DPYD: variants seen among roughly 807,000 people sequenced by gnomAD.
DPYD encodes dihydropyrimidine dehydrogenase [NADP(+)].
In DPYD, 109 loss-of-function variants were observed where a neutral mutation model predicts 116.2. That is an observed-to-expected ratio of 0.94 (90% CI 0.80 to 1.10). The LOEUF (loss-of-function observed/expected upper bound fraction) is 1.10. DPYD is among the 50% of genes least tolerant of loss of function. DPYD has a pLI of 0.00. For synonymous variants in DPYD, 440 were observed against 432.0 expected (o/e 1.02, Z -0.23); for missense variants, 1,302 against 1,254.5 (o/e 1.04, Z -0.57).
At chr1:97,820,531 C>T (rs945781080) in intron 3 of DPYD, among the ~76,000 whole-genome samples, 3 of 152,122 alleles carry the variant, frequency 2.0e-5, no homozygotes, top group Non-Finnish European at 4.4e-5. Flanking sequence ...GTTTACATGG[C>T]TATACTTTTA....
chr1:97,772,950 T>C (rs564984207), intron 3 of DPYD, among the ~76,000 whole-genome samples: 1 of 152,246 alleles, frequency 6.6e-6, no homozygotes, highest in Non-Finnish European at 1.5e-5. Context: ...ATGGCCTCTA[T>C]GATTTTTCAT....
intron 8 of DPYD, among the ~76,000 whole-genome samples, chr1:97,673,085 T>C (rs1659957355): frequency 6.6e-6 from 1 of 152,130 alleles, no homozygotes; most frequent in Admixed American, 6.6e-5. Context: ...AATTGAAGTA[T>C]GGATATTTGC....
chr1:97,511,519 A>G (rs985211314), intron 13 of DPYD, among the ~76,000 whole-genome samples: 6 of 152,050 alleles, frequency 3.9e-5, no homozygotes, highest in Non-Finnish European at 8.8e-5. Flanking sequence ...CAACAACAAC[A>G]ACATTTTATT....
At chr1:97,549,254 T>C (rs1651135656) in intron 12 of DPYD, among the ~76,000 whole-genome samples, 1 of 151,994 alleles carries the variant, frequency 6.6e-6, no homozygotes, top group Non-Finnish European at 1.5e-5. Flanking sequence ...TTTGTAGAGA[T>C]GGGATATTCC....
intron 6 of DPYD, among the ~76,000 whole-genome samples, chr1:97,692,900 C>A (rs1336588012): frequency 6.6e-6 from 1 of 152,082 alleles, no homozygotes; most frequent in Non-Finnish European, 1.5e-5. Flanking sequence ...ATTGAAAAAT[C>A]TCCCAAAGTA....
chr1:97,775,383 T>G (rs969898898), intron 3 of DPYD, among the ~76,000 whole-genome samples: 1 of 152,180 alleles, frequency 6.6e-6, no homozygotes, highest in Non-Finnish European at 1.5e-5. Context: ...TTTCCCCCCC[T>G]GCTCTTGGTA....
intron 13 of DPYD, among the ~76,000 whole-genome samples, chr1:97,451,717 T>C (rs2101797725): frequency 6.6e-6 from 1 of 152,264 alleles, no homozygotes; most frequent in Non-Finnish European, 1.5e-5. Context: ...TACAGGTGGC[T>C]CTGTGAAGCT....
chr1:97,321,461 C>A (rs1394960437), intron 16 of DPYD, among the ~76,000 whole-genome samples: 1 of 76,708 alleles, frequency 1.3e-5, no homozygotes, highest in East Asian at 4.0e-4. Context: ...GACATTTATG[C>A]AGCCAAAAAA....
At chr1:97,810,101 A>G (rs886608532) in intron 3 of DPYD, among the ~76,000 whole-genome samples, 8 of 152,030 alleles carry the variant, frequency 5.3e-5, no homozygotes, top group African/African-American at 1.9e-4. Flanking sequence ...CCTGGCTAAC[A>G]TGGTGAAACC....
At chr1:97,651,753 G>A (rs973890769) in intron 8 of DPYD, among the ~76,000 whole-genome samples, 2 of 152,064 alleles carry the variant, frequency 1.3e-5, no homozygotes, top group Non-Finnish European at 2.9e-5. Context: ...TTTTAAAAAT[G>A]CCAAATAAAT....
chr1:97,416,030 T>C (rs1336365581), intron 14 of DPYD, among the ~76,000 whole-genome samples: 2 of 152,098 alleles, frequency 1.3e-5, no homozygotes, highest in Admixed American at 1.3e-4. Context: ...TGTCTTACAA[T>C]AAAAAAGATG....
intron 21 of DPYD, among the ~76,000 whole-genome samples, chr1:97,096,252 CTGTTT>C (rs943291923): frequency 4.9e-4 from 75 of 151,890 alleles, no homozygotes; most frequent in African/African-American, 1.8e-3. Context: ...TTTGTTTGCT[CTGTTT>C]TGTTTTTTGT....
chr1:97,572,019 C>T (rs1028702618), intron 11 of DPYD, among the ~76,000 whole-genome samples: 3 of 151,816 alleles, frequency 2.0e-5, no homozygotes, highest in Non-Finnish European at 4.4e-5. Context: ...ACATGGAAGG[C>T]TCCTGGTAAA....
At chr1:97,838,334 C>T (rs7545029) in intron 2 of DPYD, among the ~76,000 whole-genome samples, 148,267 of 152,312 alleles carry the variant, frequency 0.97, 72,287 homozygotes, top group East Asian at 1. Flanking sequence ...GATATAATAG[C>T]AACGGTATGT....
intron 16 of DPYD, among the ~76,000 whole-genome samples, chr1:97,359,403 G>T (rs1042948120): frequency 2.0e-5 from 3 of 152,156 alleles, no homozygotes; most frequent in Non-Finnish European, 4.4e-5. Flanking sequence ...TTTTCCAGGA[G>T]AATTTCCCCA....
At chr1:97,825,117 G>A (rs998151875) in intron 3 of DPYD, among the ~76,000 whole-genome samples, 1 of 152,028 alleles carries the variant, frequency 6.6e-6, no homozygotes, top group African/African-American at 2.4e-5. Context: ...AGAGAAGGTT[G>A]TAACCCCTCG....
At chr1:97,373,479 T>C in intron 16 of DPYD, 82 bp downstream of exon 16, 2 of 1,204,548 alleles carry the variant, frequency 1.7e-6, no homozygotes, top group Non-Finnish European at 2.4e-6. Flanking sequence ...ATGCATCTCC[T>C]TGCCTAAGGT....
rs1260542496 is a variant in DPYD, at chr1:97,306,202, C to T, written c.2154G>A (p.Val718=). Reference sequence around the variant, plus strand: ...CTTCCTTTGCAGCTCTTGCGATGCTCACAATATCAGTGACATTTGGGGTCA... The same window carrying T: ...CTTCCTTTGCAGCTCTTGCGATGCTTACAATATCAGTGACATTTGGGGTCA... ...AKLTPNVTDI[V]SIARAAKEGG... is the part of the protein sequence containing the mutation. Residue 718 remains valine (V), a synonymous_variant, in exon 17 of 23, where the codon GTG becomes GTA. Transcript: ENST00000370192. 3 of 1,612,498 alleles carry T rather than the reference C, an allele frequency of 1.9e-6. No individual in the cohort carries two copies. The highest frequency in any genetic ancestry group is 2.7e-5 in the African/African-American group (2 of 74,892).
intron 14 of DPYD, among the ~76,000 whole-genome samples, chr1:97,436,231 A>T (rs977023836): frequency 6.6e-6 from 1 of 152,016 alleles, no homozygotes; most frequent in Non-Finnish European, 1.5e-5. Flanking sequence ...ACTAAGTAAG[A>T]TTACATTGGA....
Sources: allele counts gnomAD v4.1 joint callset (sites outside exome capture counted in the v4.1 genomes callset), GRCh38; gene constraint gnomAD v4.1.1; transcripts MANE v1.5; gene names NCBI Gene and HGNC (gene_info 2026-07-23, HGNC 2026-07-21).